The following ERBB4 variants were observed in gnomAD, a reference collection of about 807,000 sequenced individuals.
ERBB4 encodes receptor tyrosine-protein kinase erbB-4.
In ERBB4, 42 loss-of-function variants were observed where a neutral mutation model predicts 158.0. That is an observed-to-expected ratio of 0.27 (90% confidence interval 0.21 to 0.34). The LOEUF (loss-of-function observed/expected upper bound fraction) is 0.34, where lower values mean the gene tolerates loss of function less well. Among genes scored for constraint, ERBB4 ranks in the 10% least tolerant of loss-of-function variants. The probability of loss-of-function intolerance (pLI) is 1.00; values close to 1 mark genes in which losing one functional copy is unlikely to be tolerated. For synonymous variants in ERBB4, 583 were observed against 558.7 expected (o/e 1.04, Z -0.61); for missense variants, 1,333 against 1,624.1 (o/e 0.82, Z 3.08).
intron 20 of ERBB4, among the ~76,000 whole-genome samples, chr2:211,441,192 G>C (rs947733624): frequency 6.6e-6 from 1 of 152,074 alleles, no homozygotes; most frequent in Admixed American, 6.6e-5. Flanking sequence ...CGGAATTCCA[G>C]GGCTTTGTTT....
At position 211,696,180 on chromosome 2, in the gene ERBB4, G is replaced by T. The variant is rs2073017143; in HGVS notation, c.1489+5787C>A. Among the ~76,000 whole-genome samples, 2 of 151,506 alleles carry T rather than the reference G, an allele frequency of 1.3e-5. 1 individual carries two copies. The highest frequency in any genetic ancestry group is 4.2e-4 in the South Asian group (2 of 4,788). ...GGCTGAAGTGCAATGGTGTGAACTT[G>T]GCTCACCACAACCTCCACCTCCTGG... On this transcript the variant is annotated intron_variant, in intron 12 of 27. Transcript: ENST00000342788.
chr2:212,057,485 C>T (rs189852859), intron 2 of ERBB4, among the ~76,000 whole-genome samples: 7 of 152,312 alleles, frequency 4.6e-5, no homozygotes, highest in Admixed American at 1.3e-4. Flanking sequence ...ACATACTTCT[C>T]AGCACCACAT....
chr2:211,798,243 A>C (rs1232451570), intron 3 of ERBB4, among the ~76,000 whole-genome samples: 3 of 152,122 alleles, frequency 2.0e-5, no homozygotes, highest in Admixed American at 2.0e-4. Flanking sequence ...TCATAGAAAT[A>C]GAATCACACA....
In ERBB4 at chr2:212,310,275, A is replaced by C. The variant is rs1460388180; in HGVS notation, c.83-185372T>G. ...TTATTCAAATATCATCACCTTAAAC[A>C]CTGTTAATTATACTCTATTGTTCAA... is the stretch of plus-strand genomic sequence containing the variant. On this transcript the variant is annotated intron_variant, in intron 1 of 27. Transcript: ENST00000342788. Among the ~76,000 whole-genome samples, 5 of 150,676 alleles carry C rather than the reference A, an allele frequency of 3.3e-5. No individual in the cohort carries two copies. In the Admixed American group the frequency reaches 3.3e-4, roughly 10 times the overall value.
chr2:212,028,040 G>A (rs2076814928), intron 2 of ERBB4, among the ~76,000 whole-genome samples: 1 of 152,042 alleles, frequency 6.6e-6, no homozygotes, highest in Non-Finnish European at 1.5e-5. Flanking sequence ...GGAAATGAAG[G>A]AAGTTGCCAG....
intron 20 of ERBB4, among the ~76,000 whole-genome samples, chr2:211,489,296 T>G (rs1022435429): frequency 6.6e-6 from 1 of 152,028 alleles, no homozygotes; most frequent in Non-Finnish European, 1.5e-5. Flanking sequence ...AGCAGTATAA[T>G]GCAGTGGAAA....
At chr2:212,020,114 A>G (rs543700519) in intron 2 of ERBB4, among the ~76,000 whole-genome samples, 85 of 152,272 alleles carry the variant, frequency 5.6e-4, no homozygotes, top group African/African-American at 1.9e-3. Context: ...CTTAATGCAT[A>G]TGTATGTCTA....
intron 3 of ERBB4, among the ~76,000 whole-genome samples, chr2:211,789,436 C>T (rs1489981012): frequency 6.6e-6 from 1 of 152,126 alleles, no homozygotes; most frequent in African/African-American, 2.4e-5. Context: ...AAACTGCAGT[C>T]CTTCTGAATT....
intron 1 of ERBB4, among the ~76,000 whole-genome samples, chr2:212,319,875 C>G (rs2087477793): frequency 6.7e-6 from 1 of 150,126 alleles, no homozygotes; most frequent in Admixed American, 6.7e-5. Flanking sequence ...ACTACATTAT[C>G]AAGATAACTT....
chr2:212,088,944 T>C (rs1330345644), intron 2 of ERBB4, among the ~76,000 whole-genome samples: 1 of 152,014 alleles, frequency 6.6e-6, no homozygotes, highest in African/African-American at 2.4e-5. Flanking sequence ...GCTCAAATTC[T>C]AGGAAAAGAT....
intron 2 of ERBB4, among the ~76,000 whole-genome samples, chr2:212,029,194 C>T (rs2076844267): frequency 6.6e-6 from 1 of 152,142 alleles, no homozygotes. Flanking sequence ...TGAGCTACTA[C>T]TCCCTGCCTA....
intron 20 of ERBB4, among the ~76,000 whole-genome samples, chr2:211,455,335 T>C (rs527733638): frequency 3.3e-5 from 5 of 152,326 alleles, no homozygotes; most frequent in African/African-American, 1.2e-4. Context: ...GTGGACTTCT[T>C]ATTTGGATGT....
chr2:211,448,188 G>T (rs904873597), intron 20 of ERBB4, among the ~76,000 whole-genome samples: 5 of 151,978 alleles, frequency 3.3e-5, no homozygotes, highest in Non-Finnish European at 7.4e-5. Flanking sequence ...GGCCAGACTA[G>T]TCTCAAACTC....
chr2:212,476,491 G>A (rs1689410980), intron 1 of ERBB4, among the ~76,000 whole-genome samples: 1 of 152,096 alleles, frequency 6.6e-6, no homozygotes, highest in African/African-American at 2.4e-5. Context: ...AATGGTTTAT[G>A]TTGGTTATAC....
At chr2:211,979,694 A>G (rs1258360970) in intron 2 of ERBB4, among the ~76,000 whole-genome samples, 1 of 152,132 alleles carries the variant, frequency 6.6e-6, no homozygotes, top group Admixed American at 6.6e-5. Context: ...ATACTGTTTT[A>G]TTAGGTTCAG....
At chr2:211,794,611 A>T (rs2105873015) in intron 3 of ERBB4, among the ~76,000 whole-genome samples, 1 of 152,096 alleles carries the variant, frequency 6.6e-6, no homozygotes, top group Non-Finnish European at 1.5e-5. Context: ...AGATATTTAC[A>T]TTGTAAATCC....
chr2:211,432,567 C>T (rs1254113254), intron 20 of ERBB4, among the ~76,000 whole-genome samples: 1 of 148,280 alleles, frequency 6.7e-6, no homozygotes, highest in African/African-American at 2.5e-5. Flanking sequence ...TAATAAAGTA[C>T]ATCTGAGAAC....
chr2:212,235,594 T>C (rs1364279185), intron 1 of ERBB4, among the ~76,000 whole-genome samples: 2 of 152,220 alleles, frequency 1.3e-5, no homozygotes, highest in East Asian at 3.8e-4. Context: ...ATTTTTCCTA[T>C]CCATGAGAAT....
intron 5 of ERBB4, among the ~76,000 whole-genome samples, chr2:211,740,089 C>T (rs1437767925): frequency 6.6e-6 from 1 of 151,982 alleles, no homozygotes; most frequent in Non-Finnish European, 1.5e-5. Flanking sequence ...ATATAACATC[C>T]TTATTAAAGA....
Sources: gnomAD v4.1 joint callset for allele counts (sites outside exome capture counted in the v4.1 genomes callset) on GRCh38, gnomAD v4.1.1 for gene constraint, MANE v1.5 for transcripts, NCBI Gene and HGNC (gene_info 2026-07-23, HGNC 2026-07-21) for gene names.